ZNF470: variants seen among roughly 807,000 people sequenced by gnomAD.
ZNF470 encodes the protein chondrogenesis zinc finger protein 1.
ZNF470 carries 13 observed loss-of-function variants against 13.9 expected under a neutral mutation model. The ratio of observed to expected loss-of-function variants is 0.94; its 90% CI spans 0.61 to 1.49. The LOEUF is 1.49. ZNF470 is among the 40% of genes most tolerant of loss of function. ZNF470 has a pLI of 0.00. For missense variants in ZNF470, 929 were observed against 857.3 expected (o/e 1.08, Z -1.04); for synonymous variants, 293 against 282.9 (o/e 1.04, Z -0.36).
rs752713151 is a variant in ZNF470, at chr19:56,577,549, G to A, written c.1120G>A (p.Gly374Arg). 1 of 1,614,046 alleles carries A rather than the reference G, an allele frequency of 6.2e-7. No individual in the cohort carries two copies. Among genetic ancestry groups the A allele is most frequent in the East Asian group, 2.2e-5 (1 of 44,876 alleles). ...AAGACCTTATGAATGTATTGACTGT[G>A]GGAAAGCTTTCAGGCAGAATGCTTC... ...GKRPYECIDC[G>R]KAFRQNASLI... The change falls in exon 6 of 6, where the codon GGG becomes AGG. Residue 374 changes from glycine (G) to arginine (R), a missense_variant. Transcript: ENST00000330619.
chr19:56,572,340 C>CAAAAAAAAAAAA (rs564410370), intron 3 of ZNF470, among the ~76,000 whole-genome samples: 1 of 16,408 alleles, frequency 6.1e-5, no homozygotes, highest in Non-Finnish European at 8.3e-5. Flanking sequence ...CCTGTCTCTA[C>CAAAAAAAAAAAA]AAAAAAAAAA....
chr19:56,570,882 C>G (rs1157692039), intron 3 of ZNF470, among the ~76,000 whole-genome samples: 2 of 152,152 alleles, frequency 1.3e-5, no homozygotes, highest in Non-Finnish European at 2.9e-5. Flanking sequence ...AAAAAGTGCC[C>G]CTTCCTCTCT....
rs1259775428 is a variant in ZNF470 at position 56,567,647 on chromosome 19, T to C, written c.-550T>C. On this transcript the variant is annotated 5_prime_UTR_variant, in exon 1 of 6. Coordinates refer to ENST00000330619, the MANE Select transcript of ZNF470 (RefSeq NM_001001668.4). ...GTGGCCTGGTGGCTGTGAGTGCCCA[T>C]ACGTGGTGAGCGTGCGGTGCTGTGC... 1 of 987,924 alleles carries C rather than the reference T, an allele frequency of 1.0e-6. No homozygotes were observed. Among genetic ancestry groups the C allele is most frequent in the African/African-American group, 1.7e-5 (1 of 57,156 alleles). The allele number at this position is 987,924 out of a possible 1,614,324, so 61.2% of individuals were successfully genotyped here.
At position 56,580,737 on chromosome 19, in the gene ZNF470, T is replaced by A. The variant is rs1471121563; in HGVS notation, c.*2154T>A. 1.7e-6 allele frequency: 1 copy of A among 597,230 alleles called. No individual in the cohort carries two copies. Among genetic ancestry groups the A allele is most frequent in the East Asian group, 1.4e-4 (1 of 7,034 alleles). 37.0% of individuals were successfully genotyped at this position (597,230 alleles called of 1,614,324 possible). On this transcript the variant is annotated 3_prime_UTR_variant, in exon 6 of 6. Transcript: ENST00000330619. ...CTAGAAAATGGAGTTTGGGGCTCCCTCTTCACTTCTGCTGATAGAAGCATA... is the reference window on the plus strand; with the variant it reads ...CTAGAAAATGGAGTTTGGGGCTCCCACTTCACTTCTGCTGATAGAAGCATA...
At chr19:56,570,767 CACTT>C (rs1243235775) in intron 3 of ZNF470, among the ~76,000 whole-genome samples, 1 of 152,158 alleles carries the variant, frequency 6.6e-6, no homozygotes, top group East Asian at 1.9e-4. Context: ...AGGCAGCAAA[CACTT>C]ACGCAGTGTG....
chr19:56,574,647 T>C lies in ZNF470; in HGVS notation c.197T>C (p.Ile66Thr), dbSNP rs375390220. 9.9e-6 allele frequency: 16 copies of C among 1,613,458 alleles called. No homozygotes were observed. Among genetic ancestry groups the C allele is most frequent in the Non-Finnish European group, 1.4e-5 (16 of 1,179,760 alleles). The change falls in exon 5 of 6, where the codon ATT becomes ACT. Residue 66 changes from isoleucine to threonine, a missense_variant. Coordinates refer to ENST00000330619, the MANE Select transcript of ZNF470 (RefSeq NM_001001668.4). ...YRNLVSVGLC[I>T]SKPDVISLLE... ...GTCTTTTTACATGCAGGTCTTTGCATTTCTAAACCAGATGTGATCTCCTTA... is the reference window on the plus strand; with the variant it reads ...GTCTTTTTACATGCAGGTCTTTGCACTTCTAAACCAGATGTGATCTCCTTA...
In ZNF470 at chr19:56,577,074, G is replaced by A. The variant is rs1568495418; in HGVS notation, c.645G>A (p.Val215=). The change falls in exon 6 of 6, where the codon GTG becomes GTA. Residue 215 remains valine, a synonymous_variant. Transcript: ENST00000330619. ...AAAGCTTAAAAACACATTCAGTTGT[G>A]AAAAAACACAAGCAAGACCGTGGAG... ...DKKSLKTHSV[V]KKHKQDRGEK... The A allele has an allele frequency of 6.3e-7, 1 of 1,594,158 alleles. No individual in the cohort carries two copies. Among genetic ancestry groups the A allele is most frequent in the Non-Finnish European group, 8.5e-7 (1 of 1,174,366 alleles).
At chr19:56,572,371 A>AAATAT (rs2044459428) in intron 3 of ZNF470, among the ~76,000 whole-genome samples, 2 of 17,242 alleles carry the variant, frequency 1.2e-4, no homozygotes, top group Admixed American at 8.4e-4. Flanking sequence ...AAAAAAAAAA[A>AAATAT]ATATATATAT....
rs1343885950 is a variant in ZNF470, at chr19:56,581,640, TGTA to T, written c.*3061_*3063del. On this transcript the variant is annotated 3_prime_UTR_variant, in exon 6 of 6. Coordinates refer to ENST00000330619, the MANE Select transcript of ZNF470 (RefSeq NM_001001668.4). ...TAAATGAAAAATTGCAGACCTGTAT[TGTA>T]GTATAGGCCCATAATTGTGATATCA... The T allele has an allele frequency of 2.1e-6, 2 of 935,068 alleles. No individual in the cohort carries two copies. The highest frequency in any genetic ancestry group is 2.6e-6 in the Non-Finnish European group (2 of 784,006). 57.9% of individuals were successfully genotyped at this position (935,068 alleles called of 1,614,324 possible).
intron 3 of ZNF470, among the ~76,000 whole-genome samples, chr19:56,571,354 T>C (rs1034389425): frequency 3.3e-5 from 5 of 152,222 alleles, no homozygotes; most frequent in Non-Finnish European, 7.3e-5. Context: ...ATTATTTTCT[T>C]TGACTAAATT....
Position 56,578,796 on chromosome 19 carries a change from C to A in ZNF470, c.*213C>A. ...TTATGTTATTTTCCCATTTAAAACA[C>A]TTGATTTGAAAAATATATTAACTAA... On this transcript the variant is annotated 3_prime_UTR_variant, in exon 6 of 6. Coordinates refer to ENST00000330619, the MANE Select transcript of ZNF470 (RefSeq NM_001001668.4). 1 of 1,228,414 alleles carries A rather than the reference C, an allele frequency of 8.1e-7. No individual in the cohort carries two copies. 76.1% of individuals were successfully genotyped at this position (1,228,414 alleles called of 1,614,324 possible).
rs1047429470 is a variant in ZNF470, at chr19:56,577,381, A to G, written c.952A>G (p.Asn318Asp). ...GEKPYQCKQC[N>D]KAFSQLAHLA... is the part of the protein sequence containing the mutation. Reference sequence around the variant, plus strand: ...GAAACCTTATCAGTGTAAGCAGTGTAATAAAGCATTCAGCCAGCTTGCACA... The same window carrying G: ...GAAACCTTATCAGTGTAAGCAGTGTGATAAAGCATTCAGCCAGCTTGCACA... The change falls in exon 6 of 6, where the codon AAT becomes GAT. Residue 318 changes from asparagine to aspartate, a missense_variant. By Grantham distance (23) the Asn-to-Asp change is conservative. Transcript: ENST00000330619. 10 of 1,613,508 alleles carry G rather than the reference A, an allele frequency of 6.2e-6. No individual in the cohort carries two copies. Among genetic ancestry groups the G allele is most frequent in the Non-Finnish European group, 8.5e-6 (10 of 1,179,778 alleles).
chr19:56,577,103 A>G lies in ZNF470; in HGVS notation c.674A>G (p.Lys225Arg), dbSNP rs772459914. 59 of 1,608,688 alleles carry G rather than the reference A, an allele frequency of 3.7e-5. No homozygotes were observed. Among genetic ancestry groups the G allele is most frequent in the Non-Finnish European group, 4.3e-5 (51 of 1,178,702 alleles). Residue 225 changes from lysine (K) to arginine (R), a missense_variant, in exon 6 of 6, where the codon AAG becomes AGG. Coordinates refer to ENST00000330619, the MANE Select transcript of ZNF470 (RefSeq NM_001001668.4). ...AAACACAAGCAAGACCGTGGAGAAA[A>G]GAAACTTTTAAAATGTAATGACTGT... ...VKKHKQDRGE[K>R]KLLKCNDCEK...
chr19:56,568,598 A>G (rs992246338), intron 1 of ZNF470, among the ~76,000 whole-genome samples, 160 bp from the exon 2 acceptor site: 2 of 152,314 alleles, frequency 1.3e-5, no homozygotes, highest in East Asian at 1.9e-4. Flanking sequence ...ATTTTTAGCC[A>G]TATTGTTCTG....
chr19:56,577,231 A>C lies in ZNF470; in HGVS notation c.802A>C (p.Ser268Arg), dbSNP rs1408152413. The change falls in exon 6 of 6, where the codon AGT (serine) becomes CGT (arginine). Residue 268 changes from serine (S) to arginine (R), a missense_variant. Physicochemically the swap from Ser to Arg is moderately radical, Grantham distance 110 (BLOSUM62 -1). Coordinates refer to ENST00000330619, the MANE Select transcript of ZNF470 (RefSeq NM_001001668.4). ...CIECGKAFSQ[S>R]AHLAQHQRIH... is the part of the protein sequence containing the mutation. ...TGAATGTGGAAAGGCCTTTAGCCAG[A>C]GTGCCCACCTTGCTCAACATCAGAG... The C allele has an allele frequency of 3.7e-6, 6 of 1,611,696 alleles. No individual in the cohort carries two copies. The highest frequency in any genetic ancestry group is 8.5e-7 in the Non-Finnish European group (1 of 1,179,022).
rs377274174 is a variant in ZNF470, at chr19:56,581,645, T to C, written c.*3062T>C. On this transcript the variant is annotated 3_prime_UTR_variant, in exon 6 of 6. Coordinates refer to ENST00000330619, the MANE Select transcript of ZNF470 (RefSeq NM_001001668.4). The stretch of plus-strand genomic sequence containing the variant: ...GAAAAATTGCAGACCTGTATTGTAG[T>C]ATAGGCCCATAATTGTGATATCAAA... 2.5e-4 allele frequency: 234 copies of C among 942,700 alleles called. 3 individuals carry two copies. The African/African-American group carries it at 3.9e-3, about 16-fold the overall frequency. The allele number at this position is 942,700 out of a possible 1,614,324, so 58.4% of individuals were successfully genotyped here.
rs1568493322 is a variant in ZNF470 at position 56,570,326 on chromosome 19, A to C, written c.15A>C (p.Glu5Asp). 1.9e-6 allele frequency: 3 copies of C among 1,614,060 alleles called. No homozygotes were observed. The African/African-American group carries it at 4.0e-5, about 22-fold the overall frequency. MKSQ[E>D]EVEVAGIKLC... The stretch of plus-strand genomic sequence containing the variant: ...CTCTTCTCCAAATGAAGAGCCAGGA[A>C]GAGGTAGAGGTGGCAGGAATTAAAC... The change falls in exon 3 of 6, where the codon GAA becomes GAC. Residue 5 changes from glutamate (E) to aspartate (D), a missense_variant. Transcript: ENST00000330619.
At chr19:56,573,806 A>G (rs1286769822) in intron 3 of ZNF470, 1 of 258,242 alleles carries the variant, frequency 3.9e-6, no homozygotes, top group Non-Finnish European at 6.1e-6. Context: ...AAAAAAGGAA[A>G]ATGAAAAACA....
chr19:56,574,344 C>T (rs780511141), intron 3 of ZNF470, 50 bp from the exon 4 acceptor site: 1 of 1,612,330 alleles, frequency 6.2e-7, no homozygotes, highest in Non-Finnish European at 8.5e-7. Flanking sequence ...CCTAGAGCTG[C>T]ATTGGAATGT....
Sources: allele counts gnomAD v4.1 joint callset (sites outside exome capture counted in the v4.1 genomes callset), GRCh38; gene constraint gnomAD v4.1.1; transcripts MANE v1.5; gene names NCBI Gene and HGNC (gene_info 2026-07-23, HGNC 2026-07-21).